Variants in ZMYM2 observed in about 807,000 individuals in gnomAD.
ZMYM2 encodes the protein zinc finger MYM-type containing 2.
ZMYM2 carries 56 observed loss-of-function variants against 162.8 expected under a neutral mutation model. The observed-to-expected ratio is 0.34, with a 90% CI of 0.28 to 0.43. ZMYM2 has a LOEUF of 0.43. ZMYM2 is among the 20% of genes least tolerant of loss of function. The pLI, the probability that ZMYM2 is intolerant of heterozygous loss-of-function variation, is 1.00. For missense variants in ZMYM2, 1,275 were observed against 1,621.8 expected, an observed-to-expected ratio of 0.79 and a Z score of 3.67; for synonymous variants, 510 against 541.6, an observed-to-expected ratio of 0.94 and a Z score of 0.81.
At chr13:19,968,209 C>T (rs555203445) in intron 2 of ZMYM2, among the ~76,000 whole-genome samples, 1 of 152,268 alleles carries the variant, frequency 6.6e-6, no homozygotes, top group East Asian at 1.9e-4. Flanking sequence ...AATGTGGTCT[C>T]ATAGTTATGA....
intron 2 of ZMYM2, among the ~76,000 whole-genome samples, chr13:19,982,655 A>T (rs537561928): frequency 1.3e-5 from 2 of 152,146 alleles, no homozygotes; most frequent in South Asian, 4.1e-4. Flanking sequence ...TGGTTCCTGA[A>T]CCTGTTGAGT....
chr13:19,993,963 C>T (rs2139751120), intron 3 of ZMYM2, 44 bp downstream of exon 3: 1 of 1,553,756 alleles, frequency 6.4e-7, no homozygotes, highest in Admixed American at 2.1e-5. Context: ...TGAATTTAAA[C>T]TTTTGGCTGC....
Position 20,084,285 on chromosome 13 carries a change from T to A in ZMYM2, c.3941+509T>A, listed in dbSNP as rs139169744. Among the ~76,000 whole-genome samples the A allele has an allele frequency of 2.2e-3, 332 of 152,312 alleles. 1 individual carries two copies. Among genetic ancestry groups the A allele is most frequent in the African/African-American group, 7.5e-3 (311 of 41,560 alleles). On this transcript the variant is annotated intron_variant, in intron 24 of 24. Coordinates refer to ENST00000610343, the MANE Select transcript of ZMYM2 (RefSeq NM_197968.4). ...GCCTCAGCCTCCCAAAGTGCTGGAA[T>A]TACAGGCATGAGCCATTGCGCCTGT... is the stretch of plus-strand genomic sequence containing the variant.
chr13:19,997,790 A>G (rs1950126060), intron 3 of ZMYM2, among the ~76,000 whole-genome samples: 1 of 152,216 alleles, frequency 6.6e-6, no homozygotes, highest in Non-Finnish European at 1.5e-5. Flanking sequence ...AGATCATAGC[A>G]TAGGTACAGT....
intron 2 of ZMYM2, among the ~76,000 whole-genome samples, chr13:19,977,766 A>G (rs1956920207): frequency 6.6e-6 from 1 of 151,866 alleles, no homozygotes; most frequent in Non-Finnish European, 1.5e-5. Flanking sequence ...CTGGGATTAC[A>G]GTCATGAGCC....
the ZMYM2 span, among the ~76,000 whole-genome samples, chr13:19,877,127 G>T: frequency 6.6e-6 from 1 of 151,580 alleles, no homozygotes; most frequent in Admixed American, 6.6e-5. Context: ...CAGGAGAATG[G>T]CGTGAACCCG....
the ZMYM2 span, among the ~76,000 whole-genome samples, chr13:19,922,447 G>A: frequency 3.3e-5 from 5 of 152,198 alleles, no homozygotes; most frequent in Non-Finnish European, 5.9e-5. Flanking sequence ...CTAGGGGGAA[G>A]TGGAATGTGA....
chr13:19,897,951 A>G, the ZMYM2 span, among the ~76,000 whole-genome samples: 2 of 152,172 alleles, frequency 1.3e-5, no homozygotes, highest in Admixed American at 6.6e-5. Flanking sequence ...AATGAAAATC[A>G]TTAGGGAAAC....
chr13:20,065,382 C>G (rs1956594983), intron 19 of ZMYM2, among the ~76,000 whole-genome samples: 1 of 151,926 alleles, frequency 6.6e-6, no homozygotes, highest in Admixed American at 6.6e-5. Flanking sequence ...ATCTTAATGG[C>G]CTTATGTTAG....
the ZMYM2 span, among the ~76,000 whole-genome samples, chr13:19,915,724 G>A: frequency 7.3e-5 from 11 of 151,548 alleles, no homozygotes; most frequent in South Asian, 1.7e-3. Flanking sequence ...GGCTGGTTTC[G>A]AACTCCTGAC....
At chr13:19,879,116 C>T in the ZMYM2 span, among the ~76,000 whole-genome samples, 3 of 152,228 alleles carry the variant, frequency 2.0e-5, no homozygotes, top group South Asian at 4.1e-4. Context: ...AGTTTTATAG[C>T]TTAGCACTTA....
chr13:19,891,274 A>C, the ZMYM2 span, among the ~76,000 whole-genome samples: 8 of 151,850 alleles, frequency 5.3e-5, no homozygotes, highest in African/African-American at 1.9e-4. Context: ...CCGCGTGAGG[A>C]CACAGTGAGA....
intron 7 of ZMYM2, among the ~76,000 whole-genome samples, chr13:20,020,585 T>C (rs1951999789): frequency 6.6e-6 from 1 of 152,170 alleles, no homozygotes; most frequent in African/African-American, 2.4e-5. Flanking sequence ...GAGACCCCAA[T>C]TCCAGATAAT....
chr13:20,006,274 A>G lies in ZMYM2; in HGVS notation c.1300-100A>G. 1.3e-5 allele frequency: 16 copies of G among 1,251,592 alleles called. 1 individual carries two copies. The South Asian group carries it at 2.6e-4, about 21-fold the overall frequency. 77.5% of individuals were successfully genotyped at this position (1,251,592 alleles called of 1,614,324 possible). ...TTTTTTTTTTCCTTTTCTCCAAACA[A>G]GCCTTATTAGGACATCTTTATTTCT... is the stretch of plus-strand genomic sequence containing the variant. On this transcript the variant is annotated intron_variant, in intron 5 of 24. Coordinates refer to ENST00000610343, the MANE Select transcript of ZMYM2 (RefSeq NM_197968.4).
the ZMYM2 span, among the ~76,000 whole-genome samples, chr13:19,884,823 T>A: frequency 2.0e-5 from 3 of 152,128 alleles, no homozygotes; most frequent in Admixed American, 6.5e-5. Context: ...ACAACAAACA[T>A]TCCAGCAGTA....
intron 8 of ZMYM2, 138 bp downstream of exon 8, chr13:20,026,900 AT>A (rs1419442272): frequency 9.9e-7 from 1 of 1,007,794 alleles, no homozygotes; most frequent in African/African-American, 1.7e-5. Flanking sequence ...TGTTCTAATT[AT>A]TTTGATTATT....
chr13:20,037,718 G>GT (rs1953859406), intron 12 of ZMYM2, among the ~76,000 whole-genome samples: 1 of 152,162 alleles, frequency 6.6e-6, no homozygotes, highest in Admixed American at 6.6e-5. Flanking sequence ...GTGTGTATGT[G>GT]TATGTGTCAT....
Position 20,087,434 on chromosome 13 carries a change from GT to G in ZMYM2, c.*1424del. Reference sequence around the variant, plus strand: ...TCTTTTCTAGCATGTGTGTAATCATGTTTTCTTCTGATTCCTGAATGACCAT... The same window carrying G: ...TCTTTTCTAGCATGTGTGTAATCATGTTTCTTCTGATTCCTGAATGACCAT... On this transcript the variant is annotated 3_prime_UTR_variant, in exon 25 of 25. Coordinates refer to ENST00000610343, the MANE Select transcript of ZMYM2 (RefSeq NM_197968.4). 5.3e-6 allele frequency: 1 copy of G among 189,112 alleles called. No homozygotes were observed. Among genetic ancestry groups the G allele is most frequent in the Non-Finnish European group, 1.1e-5 (1 of 89,950 alleles). The allele number at this position is 189,112 out of a possible 1,614,324, so 11.7% of individuals were successfully genotyped here. A position where few individuals can be genotyped will look rare whatever the true frequency, so the allele number is the denominator to read the frequency against.
intron 2 of ZMYM2, among the ~76,000 whole-genome samples, chr13:19,969,194 C>T (rs960085091): frequency 2.0e-5 from 3 of 152,178 alleles, no homozygotes; most frequent in Non-Finnish European, 4.4e-5. Flanking sequence ...CAACAATGGA[C>T]GTATTCATCG....
Sources: gnomAD v4.1 joint callset for allele counts (sites outside exome capture counted in the v4.1 genomes callset) on GRCh38, gnomAD v4.1.1 for gene constraint, MANE v1.5 for transcripts, NCBI Gene and HGNC (gene_info 2026-07-23, HGNC 2026-07-21) for gene names.